Variants in RBFOX1 observed in about 807,000 individuals in gnomAD.
The protein encoded by RBFOX1 is RNA binding fox-1 homolog 1, also known as RNA binding protein fox-1 homolog 1.
RBFOX1 carries 8 observed loss-of-function variants against 57.7 expected under a neutral mutation model. The observed-to-expected ratio is 0.14, with a 90% CI of 0.08 to 0.25. The LOEUF is 0.25. RBFOX1 is among the 10% of genes least tolerant of loss of function. The pLI is 1.00. For synonymous variants in RBFOX1, 326 were observed against 222.4 expected (o/e 1.47, Z -4.15); for missense variants, 611 against 548.5 (o/e 1.11, Z -1.14).
At chr16:6,285,092 A>G (rs1023588351) in intron 1 of RBFOX1, among the ~76,000 whole-genome samples, 1 of 152,178 alleles carries the variant, frequency 6.6e-6, no homozygotes, top group Non-Finnish European at 1.5e-5. Context: ...TTCTTTTCAG[A>G]TACTTACTGT....
intron 10 of RBFOX1, chr16:7,614,237 C>T (rs910338536): frequency 6.6e-6 from 1 of 152,172 alleles, no homozygotes; most frequent in Non-Finnish European, 1.5e-5. Flanking sequence ...AGATTTAAGT[C>T]CCCGAGCAAA....
At chr16:7,693,448 T>G (rs1421092990) in intron 14 of RBFOX1, 3 of 1,040,976 alleles carry the variant, frequency 2.9e-6, no homozygotes, top group African/African-American at 1.7e-5. Context: ...CTTCACATGC[T>G]GCAGTTGGTC....
chr16:6,515,476 T>C (rs1343709851), intron 2 of RBFOX1, among the ~76,000 whole-genome samples: 5 of 152,230 alleles, frequency 3.3e-5, no homozygotes, highest in Non-Finnish European at 7.3e-5. Context: ...ACTAATATGC[T>C]GTCTACCCAC....
chr16:7,324,948 C>G (rs770105929), intron 4 of RBFOX1, among the ~76,000 whole-genome samples: 3 of 152,160 alleles, frequency 2.0e-5, no homozygotes, highest in African/African-American at 4.8e-5. Flanking sequence ...TTTACAGAAG[C>G]CATATACCTA....
intron 1 of RBFOX1, among the ~76,000 whole-genome samples, chr16:5,343,475 A>T (rs994317185): frequency 3.7e-5 from 1 of 27,388 alleles, no homozygotes; most frequent in African/African-American, 1.0e-4. Flanking sequence ...CCACCACACC[A>T]GGCTAATTTT....
chr16:7,493,426 C>T (rs555243974), intron 4 of RBFOX1, among the ~76,000 whole-genome samples: 1 of 152,166 alleles, frequency 6.6e-6, no homozygotes, highest in Non-Finnish European at 1.5e-5. Flanking sequence ...TCACTGGAAC[C>T]TGCGAGTGTT....
intron 14 of RBFOX1, among the ~76,000 whole-genome samples, chr16:7,706,202 G>C (rs922271045): frequency 1.3e-5 from 2 of 152,168 alleles, no homozygotes; most frequent in African/African-American, 4.8e-5. Flanking sequence ...ATTAGCATTT[G>C]AAAAGAAGCC....
At chr16:6,588,517 G>C (rs2097663375) in intron 2 of RBFOX1, among the ~76,000 whole-genome samples, 1 of 151,814 alleles carries the variant, frequency 6.6e-6, no homozygotes, top group Admixed American at 6.6e-5. Context: ...GCCAGGTGTG[G>C]TGGTGCACAC....
chr16:6,506,843 T>G (rs1473385049), intron 2 of RBFOX1, among the ~76,000 whole-genome samples: 1 of 152,066 alleles, frequency 6.6e-6, no homozygotes, highest in Non-Finnish European at 1.5e-5. Context: ...AGAGAGGGTT[T>G]GGCCATGTTG....
intron 1 of RBFOX1, among the ~76,000 whole-genome samples, chr16:6,316,548 C>T (rs1260978591): frequency 6.6e-6 from 1 of 152,098 alleles, no homozygotes; most frequent in African/African-American, 2.4e-5. Flanking sequence ...CAAGCTAATT[C>T]CTAGGGGGAA....
intron 2 of RBFOX1, among the ~76,000 whole-genome samples, chr16:5,538,085 C>T (rs1039830553): frequency 1.3e-4 from 20 of 152,060 alleles, no homozygotes; most frequent in Non-Finnish European, 1.9e-4. Context: ...TATCCTGACC[C>T]CAAAGGCACA....
At chr16:5,659,205 C>A (rs1028069255) in intron 3 of RBFOX1, among the ~76,000 whole-genome samples, 1 of 151,556 alleles carries the variant, frequency 6.6e-6, no homozygotes, top group Non-Finnish European at 1.5e-5. Context: ...GCCATTCTTG[C>A]AGGCATAAGG....
chr16:7,256,968 C>A (rs1478368336), intron 4 of RBFOX1, among the ~76,000 whole-genome samples: 1 of 152,150 alleles, frequency 6.6e-6, no homozygotes, highest in Non-Finnish European at 1.5e-5. Context: ...TGGCATGTGT[C>A]ATGGCTGGCA....
intron 11 of RBFOX1, among the ~76,000 whole-genome samples, chr16:7,647,994 T>G (rs1201388583): frequency 2.0e-5 from 3 of 152,216 alleles, no homozygotes. Context: ...GGTAATCATC[T>G]CAAATATACA....
chr16:6,505,119 A>AT (rs887742935), intron 2 of RBFOX1, among the ~76,000 whole-genome samples: 2 of 151,792 alleles, frequency 1.3e-5, no homozygotes, highest in Non-Finnish European at 2.9e-5. Flanking sequence ...TACTCAAATT[A>AT]TTTTTTTTCC....
chr16:7,624,684 G>A (rs1165687819), intron 10 of RBFOX1, among the ~76,000 whole-genome samples: 1 of 152,176 alleles, frequency 6.6e-6, no homozygotes, highest in Non-Finnish European at 1.5e-5. Context: ...ACATTGCCCT[G>A]CAGGGTTCTA....
chr16:6,397,607 C>T (rs1265528088), intron 2 of RBFOX1, among the ~76,000 whole-genome samples: 2 of 152,108 alleles, frequency 1.3e-5, no homozygotes, highest in African/African-American at 2.4e-5. Flanking sequence ...GAATGAAGAG[C>T]AGGGAACATG....
intron 10 of RBFOX1, among the ~76,000 whole-genome samples, chr16:7,616,411 A>G: frequency 6.6e-6 from 1 of 152,220 alleles, no homozygotes; most frequent in Non-Finnish European, 1.5e-5. Flanking sequence ...GGTTACTCAC[A>G]TAGGCAAGCT....
chr16:7,505,678 C>T (rs2073039893), intron 4 of RBFOX1, among the ~76,000 whole-genome samples: 1 of 152,168 alleles, frequency 6.6e-6, no homozygotes, highest in African/African-American at 2.4e-5. Context: ...TGCAAGTCGA[C>T]CGCCCACTCG....
Sources: allele counts gnomAD v4.1 joint callset (sites outside exome capture counted in the v4.1 genomes callset), GRCh38; gene constraint gnomAD v4.1.1; transcripts MANE v1.5; gene names NCBI Gene and HGNC (gene_info 2026-07-23, HGNC 2026-07-21).